MACROD2: variants seen among roughly 807,000 people sequenced by gnomAD.
The protein encoded by MACROD2 is ADP-ribose glycohydrolase MACROD2.
A neutral mutation model predicts 70.4 loss-of-function variants in MACROD2; 36 were observed. That is an observed-to-expected ratio of 0.51 (90% confidence interval 0.39 to 0.68). The LOEUF (loss-of-function observed/expected upper bound fraction) is 0.68. Among genes scored for constraint, MACROD2 ranks in the 30% least tolerant of loss-of-function variants. The pLI, the probability that MACROD2 is intolerant of heterozygous loss-of-function variation, is 0.00. For missense variants in MACROD2, 496 were observed against 538.4 expected (o/e 0.92, Z 0.78); for synonymous variants, 172 against 178.8 (o/e 0.96, Z 0.30).
intron 3 of MACROD2, among the ~76,000 whole-genome samples, chr20:14,161,023 A>G (rs1007105882): frequency 2.6e-5 from 4 of 151,924 alleles, no homozygotes; most frequent in East Asian, 1.9e-4. Flanking sequence ...CCCACTGTCT[A>G]TTATTTCCAT....
intron 3 of MACROD2, among the ~76,000 whole-genome samples, chr20:14,278,348 T>C (rs2122392763): frequency 6.6e-6 from 1 of 152,342 alleles, no homozygotes; most frequent in South Asian, 2.1e-4. Context: ...TTGGCTTTTT[T>C]ATATGGAATG....
At chr20:15,454,400 T>A (rs1039841917) in intron 7 of MACROD2, among the ~76,000 whole-genome samples, 1 of 135,574 alleles carries the variant, frequency 7.4e-6, no homozygotes, top group African/African-American at 3.3e-5. Context: ...TCATTTGACA[T>A]ATTCAAACAC....
intron 5 of MACROD2, among the ~76,000 whole-genome samples, chr20:15,034,481 T>G (rs1176367083): frequency 2.0e-5 from 3 of 152,094 alleles, no homozygotes; most frequent in African/African-American, 7.2e-5. Context: ...TAGGGTACTT[T>G]GAAGAGGGAC....
intron 15 of MACROD2, among the ~76,000 whole-genome samples, chr20:16,011,792 G>A (rs935113469): frequency 6.6e-5 from 10 of 152,166 alleles, no homozygotes; most frequent in African/African-American, 1.7e-4. Flanking sequence ...CAGGGGCTCC[G>A]GCCTTGGAGC....
intron 4 of MACROD2, among the ~76,000 whole-genome samples, chr20:14,604,656 C>G (rs1002988023): frequency 3.3e-5 from 5 of 152,138 alleles, no homozygotes; most frequent in African/African-American, 1.2e-4. Flanking sequence ...TATTTTATTG[C>G]TCTTTCCTCC....
chr20:14,794,875 G>T (rs2072493113), intron 5 of MACROD2, among the ~76,000 whole-genome samples: 1 of 151,954 alleles, frequency 6.6e-6, no homozygotes, highest in African/African-American at 2.4e-5. Context: ...GTGCACAAAG[G>T]GAAAAAAACT....
intron 7 of MACROD2, among the ~76,000 whole-genome samples, chr20:15,494,916 T>C (rs78130248): frequency 6.6e-6 from 1 of 152,286 alleles, no homozygotes; most frequent in East Asian, 1.9e-4. Context: ...TGCTAATGAG[T>C]AGAAAACTAA....
chr20:15,909,712 A>C (rs931469919), intron 10 of MACROD2, among the ~76,000 whole-genome samples: 6 of 150,844 alleles, frequency 4.0e-5, no homozygotes, highest in Non-Finnish European at 8.9e-5. Context: ...TTTAGTAGAG[A>C]CGGGGTTTCA....
chr20:14,277,520 G>A (rs536194936), intron 3 of MACROD2, among the ~76,000 whole-genome samples: 1 of 152,294 alleles, frequency 6.6e-6, no homozygotes, highest in South Asian at 2.1e-4. Context: ...TTAAAGGTAT[G>A]GGGAGAGTAA....
chr20:15,981,460 G>T (rs7266203), intron 13 of MACROD2, among the ~76,000 whole-genome samples: 22,377 of 152,124 alleles, frequency 0.15, 1,901 homozygotes, highest in South Asian at 0.31. Context: ...TGATCAGGGT[G>T]ATTCTTTTGG....
chr20:14,561,954 A>G (rs1394699482), intron 4 of MACROD2, among the ~76,000 whole-genome samples: 2 of 148,298 alleles, frequency 1.3e-5, no homozygotes, highest in Non-Finnish European at 3.0e-5. Context: ...AAAAAAATAA[A>G]TAAACCAGAA....
chr20:15,937,506 C>T lies in MACROD2; in HGVS notation c.869C>T (p.Pro290Leu), dbSNP rs2065683133. ...GTCAACACTGTCACTGTGCCCGGCC[C>T]TGCTTCAGAAGAGGCAGTTGAAGAC... ...DGVNTVTVPG[P>L]ASEEAVEDCK... Residue 290 changes from proline (P) to leucine (L), a missense_variant, in exon 12 of 18, where the codon CCT becomes CTT. Transcript: ENST00000684519. 1 of 1,613,436 alleles carries T rather than the reference C, an allele frequency of 6.2e-7. No homozygotes were observed.
chr20:14,697,143 G>A (rs1190290304), intron 5 of MACROD2, among the ~76,000 whole-genome samples: 3 of 152,170 alleles, frequency 2.0e-5, no homozygotes, highest in Non-Finnish European at 4.4e-5. Flanking sequence ...CAGGAAATCC[G>A]TTGGCTGGCA....
At chr20:15,629,219 G>A (rs1253714159) in intron 8 of MACROD2, among the ~76,000 whole-genome samples, 1 of 152,116 alleles carries the variant, frequency 6.6e-6, no homozygotes, top group Admixed American at 6.5e-5. Flanking sequence ...TTGCACTCTT[G>A]CCAGCAGTGT....
intron 3 of MACROD2, among the ~76,000 whole-genome samples, chr20:14,451,841 A>G (rs758722172): frequency 6.6e-6 from 1 of 152,162 alleles, no homozygotes; most frequent in Non-Finnish European, 1.5e-5. Flanking sequence ...CATTTTGTGG[A>G]CAAAGGACAC....
intron 6 of MACROD2, among the ~76,000 whole-genome samples, chr20:15,242,561 T>A (rs1341953209): frequency 1.3e-5 from 2 of 152,218 alleles, no homozygotes; most frequent in Non-Finnish European, 2.9e-5. Flanking sequence ...TATCTCTTCT[T>A]CTATTTTTTG....
intron 3 of MACROD2, among the ~76,000 whole-genome samples, chr20:14,479,989 G>C (rs2084644223): frequency 6.6e-6 from 1 of 152,024 alleles, no homozygotes; most frequent in Admixed American, 6.6e-5. Flanking sequence ...CAATATTCTT[G>C]TCTCATTCTC....
chr20:14,429,244 C>A (rs2083968101), intron 3 of MACROD2, among the ~76,000 whole-genome samples: 1 of 152,070 alleles, frequency 6.6e-6, no homozygotes, highest in African/African-American at 2.4e-5. Flanking sequence ...GTATTTATTT[C>A]TTTTACACTA....
intron 5 of MACROD2, among the ~76,000 whole-genome samples, chr20:14,784,846 A>AGTT (rs2072348026): frequency 6.6e-6 from 1 of 152,000 alleles, no homozygotes; most frequent in South Asian, 2.1e-4. Context: ...TCTCTTAGTT[A>AGTT]TAATTTTGTG....
Sources: gnomAD v4.1 joint callset for allele counts (sites outside exome capture counted in the v4.1 genomes callset) on GRCh38, gnomAD v4.1.1 for gene constraint, MANE v1.5 for transcripts, NCBI Gene and HGNC (gene_info 2026-07-23, HGNC 2026-07-21) for gene names.